SLC8A3: variants seen among roughly 807,000 people sequenced by gnomAD.
The protein encoded by SLC8A3 is solute carrier family 8 member A3.
A neutral mutation model predicts 65.4 loss-of-function variants in SLC8A3; 37 were observed. The observed-to-expected ratio is 0.57, with a 90% confidence interval of 0.44 to 0.74. SLC8A3 has a LOEUF of 0.74. Ranked by LOEUF, SLC8A3 falls within the 30% of genes least tolerant of loss-of-function variation. SLC8A3 has a pLI of 0.00. For synonymous variants in SLC8A3, 461 were observed against 444.5 expected, an observed-to-expected ratio of 1.04 and a Z score of -0.47; for missense variants, 1,112 against 1,172.1, an observed-to-expected ratio of 0.95 and a Z score of 0.75.
chr14:70,130,551 AC>A (rs1205209168), intron 2 of SLC8A3, among the ~76,000 whole-genome samples: 3 of 152,216 alleles, frequency 2.0e-5, no homozygotes, highest in African/African-American at 7.2e-5. Context: ...CCAGGAAACT[AC>A]CCTTGAGCCT....
At chr14:70,111,274 T>C (rs770514043) in intron 2 of SLC8A3, among the ~76,000 whole-genome samples, 2 of 152,184 alleles carry the variant, frequency 1.3e-5, no homozygotes, top group Non-Finnish European at 2.9e-5. Flanking sequence ...ATGCATCAGA[T>C]TTTCAAGTAC....
At chr14:70,055,151 T>G (rs1010156180) in intron 3 of SLC8A3, among the ~76,000 whole-genome samples, 2 of 152,126 alleles carry the variant, frequency 1.3e-5, no homozygotes, top group Non-Finnish European at 2.9e-5. Context: ...AAATAAATTC[T>G]CTAAAATTTA....
rs1188906005 is a variant in SLC8A3 at position 70,167,706 on chromosome 14, G to T, written c.717C>A (p.Phe239Leu). ...VQVWEGLLTL[F>L]FFPVCVLLAW... ...CCAGAAGGACACACACTGGAAAGAA[G>T]AAGAGAGTGAGGAGGCCTTCCCAAA... The change falls in exon 2 of 7, where the codon TTC (phenylalanine) becomes TTA (leucine). Residue 239 changes from phenylalanine to leucine, a missense_variant. By Grantham distance (22) the Phe-to-Leu change is conservative. Transcript: ENST00000356921. The T allele has an allele frequency of 6.2e-7, 1 of 1,614,070 alleles. No homozygotes were observed. The highest frequency in any genetic ancestry group is 1.3e-5 in the African/African-American group (1 of 74,930).
At chr14:70,077,044 C>T (rs1890593292) in intron 2 of SLC8A3, among the ~76,000 whole-genome samples, 1 of 152,158 alleles carries the variant, frequency 6.6e-6, no homozygotes, top group Non-Finnish European at 1.5e-5. Context: ...ACCAAAACCC[C>T]ACAGCACAGT....
chr14:70,130,384 T>A (rs1048833205), intron 2 of SLC8A3, among the ~76,000 whole-genome samples: 4 of 152,242 alleles, frequency 2.6e-5, no homozygotes, highest in Non-Finnish European at 5.9e-5. Flanking sequence ...GCCCTGTGTT[T>A]GTTTTTGTCC....
At chr14:70,180,136 G>C (rs533208798) in intron 1 of SLC8A3, among the ~76,000 whole-genome samples, 1 of 152,196 alleles carries the variant, frequency 6.6e-6, no homozygotes, top group African/African-American at 2.4e-5. Context: ...GGTTACCCAT[G>C]GGGGAGGCTG....
At chr14:70,170,055 C>T (rs1040400926) in intron 1 of SLC8A3, among the ~76,000 whole-genome samples, 4 of 152,140 alleles carry the variant, frequency 2.6e-5, no homozygotes, top group Non-Finnish European at 5.9e-5. Context: ...CCAACTCTCA[C>T]TAGTTCTCAA....
intron 2 of SLC8A3, among the ~76,000 whole-genome samples, chr14:70,079,754 GC>G (rs1288116943): frequency 5.3e-5 from 8 of 152,110 alleles, no homozygotes; most frequent in Middle Eastern, 3.4e-3. Flanking sequence ...CTTATATTTG[GC>G]CCAGTCTCTT....
At chr14:70,118,981 G>A (rs929573247) in intron 2 of SLC8A3, among the ~76,000 whole-genome samples, 1 of 152,172 alleles carries the variant, frequency 6.6e-6, no homozygotes, top group African/African-American at 2.4e-5. Flanking sequence ...CCTCTAAGGA[G>A]AAGTAATGCT....
intron 3 of SLC8A3, among the ~76,000 whole-genome samples, chr14:70,055,041 G>T (rs1887927422): frequency 5.3e-5 from 8 of 152,206 alleles, no homozygotes; most frequent in Admixed American, 5.2e-4. Flanking sequence ...TGCTCATGAA[G>T]TTGAATGTTG....
At chr14:70,132,868 GA>G (rs1894938945) in intron 2 of SLC8A3, among the ~76,000 whole-genome samples, 1 of 152,114 alleles carries the variant, frequency 6.6e-6, no homozygotes, top group South Asian at 2.1e-4. Flanking sequence ...GACAGAAGGA[GA>G]TCTTCAAATC....
intron 2 of SLC8A3, among the ~76,000 whole-genome samples, chr14:70,069,552 C>T (rs1453242054): frequency 2.6e-5 from 4 of 152,214 alleles, no homozygotes; most frequent in Admixed American, 2.0e-4. Context: ...AGAAGCCTCA[C>T]ATCTCTTAGC....
intron 2 of SLC8A3, among the ~76,000 whole-genome samples, chr14:70,122,421 G>A (rs1360523145): frequency 2.0e-5 from 3 of 152,066 alleles, no homozygotes; most frequent in African/African-American, 7.2e-5. Context: ...CAAGGACAAT[G>A]GGGAGGGCTC....
At chr14:70,077,266 G>T (rs1020866371) in intron 2 of SLC8A3, among the ~76,000 whole-genome samples, 1 of 152,164 alleles carries the variant, frequency 6.6e-6, no homozygotes, top group Non-Finnish European at 1.5e-5. Context: ...GAACTACAAA[G>T]GAGTATGCTT....
intron 1 of SLC8A3, among the ~76,000 whole-genome samples, chr14:70,171,672 C>T (rs1042896216): frequency 3.3e-5 from 5 of 152,060 alleles, no homozygotes; most frequent in South Asian, 2.1e-4. Context: ...TGGTGGTGCA[C>T]GCCTATAATC....
At chr14:70,113,181 C>A (rs1180304325) in intron 2 of SLC8A3, among the ~76,000 whole-genome samples, 1 of 152,154 alleles carries the variant, frequency 6.6e-6, no homozygotes, top group Non-Finnish European at 1.5e-5. Flanking sequence ...GAAGTTTCAT[C>A]ACTGTGAAAA....
In SLC8A3 at chr14:70,168,101, G is replaced by A; in HGVS notation, c.322C>T (p.Gln108Ter). 2 of 1,614,114 alleles carry A rather than the reference G, an allele frequency of 1.2e-6. No individual in the cohort carries two copies. The highest frequency in any genetic ancestry group is 1.7e-6 in the Non-Finnish European group (2 of 1,180,010). ...TTCTTAATTGTCACCTCCCTCTCTT[G>A]AGAGGTGATGACTTCAATAGATGCC... ...FMASIEVITSQEREVTIKKPN... is the reference protein window; with the variant it reads ...FMASIEVITS Residue 108 changes from glutamine (Q) to a stop codon, truncating the protein, a stop_gained, in exon 2 of 7, where the codon CAA (glutamine) becomes TAA (stop). Coordinates refer to ENST00000356921, the MANE Select transcript of SLC8A3 (RefSeq NM_182932.3). LOFTEE classifies it high-confidence loss of function.
intron 3 of SLC8A3, chr14:70,055,870 T>G: frequency 1.3e-5 from 20 of 1,498,888 alleles, no homozygotes; most frequent in Non-Finnish European, 1.7e-5. Flanking sequence ...AGCATTAATG[T>G]CCCATCTTGA....
Position 70,166,987 on chromosome 14 carries a change from T to A in SLC8A3, c.1436A>T (p.His479Leu). ...IDDDIFEEDE[H>L]FFVRLSNVRI... ...GACATTGCTCAACCTTACAAAGAAGTGTTCATCCTCCTCAAAAATGTCGTC... is the reference window on the plus strand; with the variant it reads ...GACATTGCTCAACCTTACAAAGAAGAGTTCATCCTCCTCAAAAATGTCGTC... The change falls in exon 2 of 7, where the codon CAC becomes CTC. Residue 479 changes from histidine (H) to leucine (L), a missense_variant. Physicochemically the swap from His to Leu is moderately conservative, Grantham distance 99. Coordinates refer to ENST00000356921, the MANE Select transcript of SLC8A3 (RefSeq NM_182932.3). 3 of 1,614,066 alleles carry A rather than the reference T, an allele frequency of 1.9e-6. No homozygotes were observed. The highest frequency in any genetic ancestry group is 2.5e-6 in the Non-Finnish European group (3 of 1,179,990).
Sources: allele counts gnomAD v4.1 joint callset (sites outside exome capture counted in the v4.1 genomes callset), GRCh38; gene constraint gnomAD v4.1.1; transcripts MANE v1.5; gene names NCBI Gene and HGNC (gene_info 2026-07-23, HGNC 2026-07-21).